The following ANK3 variants were observed in gnomAD, a reference collection of about 807,000 sequenced individuals.
The protein encoded by ANK3 is ankyrin-3.
A neutral mutation model predicts 370.9 loss-of-function variants in ANK3; 57 were observed. The ratio of observed to expected loss-of-function variants is 0.15; its 90% confidence interval spans 0.12 to 0.19. The LOEUF is 0.19. ANK3 is among the 10% of genes least tolerant of loss of function. The pLI is 1.00. For synonymous variants in ANK3, 1,929 were observed against 1,946.3 expected (o/e 0.99, Z 0.23); for missense variants, 4,439 against 5,302.1 (o/e 0.84, Z 5.06).
intron 2 of ANK3, among the ~76,000 whole-genome samples, chr10:60,433,236 T>C (rs556279923): frequency 3.9e-4 from 59 of 152,066 alleles, no homozygotes; most frequent in Non-Finnish European, 6.6e-4. Context: ...GGTGGGTGGA[T>C]TGCTTGAGGT....
chr10:60,360,616 G>C (rs958634850), intron 1 of ANK3, among the ~76,000 whole-genome samples: 5 of 152,074 alleles, frequency 3.3e-5, no homozygotes, highest in African/African-American at 1.2e-4. Flanking sequence ...GGCTGAGATG[G>C]GAGGATTGCT....
intron 8 of ANK3, among the ~76,000 whole-genome samples, chr10:60,218,457 G>GC (rs2096983568): frequency 6.6e-6 from 1 of 152,094 alleles, no homozygotes; most frequent in Non-Finnish European, 1.5e-5. Flanking sequence ...TCCTTCAAGA[G>GC]CTGTTGTAAG....
At chr10:60,329,064 C>T (rs1468011446) in intron 1 of ANK3, among the ~76,000 whole-genome samples, 1 of 152,066 alleles carries the variant, frequency 6.6e-6, no homozygotes, top group Non-Finnish European at 1.5e-5. Context: ...GCAGAAAAGG[C>T]CTTCAATAAA....
chr10:60,640,111 TA>T (rs1448621261), intron 1 of ANK3, among the ~76,000 whole-genome samples: 1 of 151,942 alleles, frequency 6.6e-6, no homozygotes, highest in African/African-American at 2.4e-5. Flanking sequence ...TTATCATCAG[TA>T]AAAACAGGCA....
At chr10:60,389,202 G>C (rs1026016897) in intron 1 of ANK3, among the ~76,000 whole-genome samples, 30 of 151,928 alleles carry the variant, frequency 2.0e-4, no homozygotes, top group Non-Finnish European at 7.4e-5. Context: ...CACACTTTCC[G>C]CATAGCCCTG....
intron 28 of ANK3, among the ~76,000 whole-genome samples, chr10:60,093,312 C>T (rs1311252395): frequency 1.3e-5 from 2 of 152,176 alleles, no homozygotes; most frequent in Non-Finnish European, 2.9e-5. Flanking sequence ...TTTTTCACTT[C>T]AGCCACAAAG....
At chr10:60,101,048 G>A (rs2091188575) in intron 28 of ANK3, among the ~76,000 whole-genome samples, 1 of 152,174 alleles carries the variant, frequency 6.6e-6, no homozygotes, top group South Asian at 2.1e-4. Context: ...CTCCTGAGTA[G>A]CTGGGATTAT....
chr10:60,390,909 G>A (rs1347428186), upstream of ANK3, among the ~76,000 whole-genome samples: 1 of 152,156 alleles, frequency 6.6e-6, no homozygotes, highest in Non-Finnish European at 1.5e-5. Flanking sequence ...TGAAAGTGTA[G>A]GTGTGTAAAG....
At chr10:60,527,413 C>T (rs772744972) in intron 2 of ANK3, among the ~76,000 whole-genome samples, 5 of 151,710 alleles carry the variant, frequency 3.3e-5, no homozygotes, top group Non-Finnish European at 2.9e-5. Context: ...TTTAAGAACA[C>T]GAGAGAGAGA....
At chr10:60,505,695 T>G (rs2075920719) in intron 2 of ANK3, among the ~76,000 whole-genome samples, 1 of 152,078 alleles carries the variant, frequency 6.6e-6, no homozygotes, top group Non-Finnish European at 1.5e-5. Context: ...AGTCCTCATT[T>G]CCTCCCACTC....
intron 21 of ANK3, among the ~76,000 whole-genome samples, chr10:60,170,968 A>G (rs568654341): frequency 1.1e-4 from 16 of 152,290 alleles, no homozygotes; most frequent in Non-Finnish European, 2.2e-4. Flanking sequence ...ATTTACTGCA[A>G]TGACTTCAAA....
chr10:60,037,805 CA>C lies in ANK3; in HGVS notation c.*19+4866del, dbSNP rs2131851376. 1.3e-5 allele frequency among the ~76,000 whole-genome samples: 2 copies of C among 152,304 alleles called. 1 individual carries two copies. The highest frequency in any genetic ancestry group is 4.1e-4 in the South Asian group (2 of 4,826). ...ACAATTTATATTCCTTTGGTTTATACACCCAATAATGGGATTGCTGGGTTGA... is the reference window on the plus strand; with the variant it reads ...ACAATTTATATTCCTTTGGTTTATACCCCAATAATGGGATTGCTGGGTTGA... On this transcript the variant is annotated intron_variant, in intron 43 of 43. Transcript: ENST00000280772.
At chr10:60,234,650 A>G (rs762083895) in intron 8 of ANK3, 38 bp downstream of exon 8, 6 of 1,252,544 alleles carry the variant, frequency 4.8e-6, no homozygotes, top group South Asian at 1.2e-5. Context: ...CTACTTCCTG[A>G]ATACAAGTAG....
At chr10:60,563,558 T>C (rs2077389409) in intron 2 of ANK3, among the ~76,000 whole-genome samples, 1 of 152,184 alleles carries the variant, frequency 6.6e-6, no homozygotes, top group Non-Finnish European at 1.5e-5. Flanking sequence ...GCAAAACATA[T>C]GAATACTCAC....
At chr10:60,487,914 A>G (rs1353696284) in intron 2 of ANK3, among the ~76,000 whole-genome samples, 1 of 151,972 alleles carries the variant, frequency 6.6e-6, no homozygotes, top group Non-Finnish European at 1.5e-5. Context: ...AGGTTTCTCC[A>G]TGTTGGTCAG....
intron 1 of ANK3, among the ~76,000 whole-genome samples, chr10:60,327,091 T>G (rs1168953761): frequency 2.0e-5 from 3 of 152,058 alleles, no homozygotes; most frequent in Non-Finnish European, 4.4e-5. Flanking sequence ...TATCGGAGCA[T>G]GCAGCTTTCC....
intron 43 of ANK3, among the ~76,000 whole-genome samples, chr10:60,039,196 G>C (rs931813839): frequency 1.3e-5 from 2 of 152,196 alleles, no homozygotes; most frequent in Non-Finnish European, 2.9e-5. Flanking sequence ...AATGAAATGG[G>C]TTAACTTTTT....
intron 43 of ANK3, among the ~76,000 whole-genome samples, chr10:60,033,290 G>T (rs185550079): frequency 2.0e-5 from 3 of 151,838 alleles, no homozygotes; most frequent in African/African-American, 7.3e-5. Context: ...GGAGGGGGGC[G>T]GATCACCTGA....
At position 60,237,588 on chromosome 10, in the gene ANK3, C is replaced by CT. The variant is rs202161530; in HGVS notation, c.799-2803dup. Among the ~76,000 whole-genome samples, 568 of 150,834 alleles carry CT rather than the reference C, an allele frequency of 3.8e-3. 2 individuals are homozygous for CT. Among genetic ancestry groups the CT allele is most frequent in the Non-Finnish European group, 5.0e-3 (336 of 67,580 alleles). On this transcript the variant is annotated intron_variant, in intron 7 of 43. Coordinates refer to ENST00000280772, the MANE Select transcript of ANK3 (RefSeq NM_020987.5). ...GATGACAAAAAGGTGCCTTGAGTTT[C>CT]TTTTTTTTCTCTTTTTTTTAAATTT...
Sources: gnomAD v4.1 joint callset for allele counts (sites outside exome capture counted in the v4.1 genomes callset) on GRCh38, gnomAD v4.1.1 for gene constraint, MANE v1.5 for transcripts, NCBI Gene and HGNC (gene_info 2026-07-23, HGNC 2026-07-21) for gene names.